The following IGF1R variants were observed in gnomAD, a reference collection of about 807,000 sequenced individuals.
The protein encoded by IGF1R is insulin-like growth factor 1 receptor.
In IGF1R, 44 loss-of-function variants were observed where a neutral mutation model predicts 144.6. The ratio of observed to expected loss-of-function variants is 0.30; its 90% CI spans 0.24 to 0.39. IGF1R has a LOEUF of 0.39. Among genes scored for constraint, IGF1R ranks in the 10% least tolerant of loss-of-function variants. The pLI is 1.00. For synonymous variants in IGF1R, 795 were observed against 722.8 expected, an observed-to-expected ratio of 1.10 and a Z score of -1.60; for missense variants, 1,355 against 1,833.7, an observed-to-expected ratio of 0.74 and a Z score of 4.77.
rs1567229228 is a variant in IGF1R at position 98,962,441 on chromosome 15, C to A, written c.*4999C>A. Reference sequence around the variant, plus strand: ...AGTGGCGAAAGACACTTTCTTTCTTCACTCTGAAGTAGCTGGTGGTACAAA... The same window carrying A: ...AGTGGCGAAAGACACTTTCTTTCTTAACTCTGAAGTAGCTGGTGGTACAAA... On this transcript the variant is annotated 3_prime_UTR_variant, in exon 21 of 21. Transcript: ENST00000650285. The A allele has an allele frequency of 4.3e-6, 1 of 233,680 alleles. No homozygotes were observed. The highest frequency in any genetic ancestry group is 2.2e-5 in the African/African-American group (1 of 45,370). 14.5% of individuals were successfully genotyped at this position (233,680 alleles called of 1,614,324 possible). A position where few individuals can be genotyped will look rare whatever the true frequency, so the allele number is the denominator to read the frequency against.
chr15:98,703,048 A>G (rs1279737218), intron 1 of IGF1R, among the ~76,000 whole-genome samples: 3 of 151,628 alleles, frequency 2.0e-5, no homozygotes, highest in Non-Finnish European at 2.9e-5. Flanking sequence ...CAGCACCCCC[A>G]TCTGTTTTGG....
At chr15:98,755,478 T>A (rs1294243948) in intron 2 of IGF1R, among the ~76,000 whole-genome samples, 1 of 152,072 alleles carries the variant, frequency 6.6e-6, no homozygotes, top group African/African-American at 2.4e-5. Flanking sequence ...TGGTGGCTCA[T>A]GCCTGTAATC....
At chr15:98,846,250 C>G (rs368124319) in intron 2 of IGF1R, among the ~76,000 whole-genome samples, 10 of 152,252 alleles carry the variant, frequency 6.6e-5, no homozygotes, top group African/African-American at 2.4e-4. Flanking sequence ...GCATTTGTAC[C>G]GTGGTGTTGA....
chr15:98,910,936 G>A (rs1472269161), intron 6 of IGF1R, among the ~76,000 whole-genome samples: 1 of 152,174 alleles, frequency 6.6e-6, no homozygotes, highest in African/African-American at 2.4e-5. Context: ...AAGTTTCAGG[G>A]CAGCCTAAAG....
intron 2 of IGF1R, among the ~76,000 whole-genome samples, chr15:98,781,319 T>C (rs1278555539): frequency 6.6e-6 from 1 of 152,148 alleles, no homozygotes; most frequent in African/African-American, 2.4e-5. Flanking sequence ...AGGTTTAAAA[T>C]TGGGGGCAAA....
Position 98,908,931 on chromosome 15 carries a change from CA to C in IGF1R, c.1462+34del, listed in dbSNP as rs758772196. On this transcript the variant is annotated intron_variant, in intron 6 of 20. Coordinates refer to ENST00000650285, the MANE Select transcript of IGF1R (RefSeq NM_000875.5). The stretch of plus-strand genomic sequence containing the variant: ...GACAGCATCCAAAACACCGTGGGCC[CA>C]ACCATCATGATAACAGCAGACCCTC... 3 of 1,583,692 alleles carry C rather than the reference CA, an allele frequency of 1.9e-6. No individual in the cohort carries two copies. In the Admixed American group the frequency reaches 5.2e-5, roughly 27 times the overall value.
intron 5 of IGF1R, 67 bp from the exon 6 acceptor site, chr15:98,908,618 T>C (rs2014845776): frequency 3.3e-6 from 4 of 1,206,608 alleles, no homozygotes; most frequent in Non-Finnish European, 3.6e-6. Flanking sequence ...CTGTGTTACG[T>C]GGCCAGCAGG....
At chr15:98,894,943 C>T (rs972444086) in intron 3 of IGF1R, among the ~76,000 whole-genome samples, 2 of 151,160 alleles carry the variant, frequency 1.3e-5, no homozygotes, top group Admixed American at 6.6e-5. Flanking sequence ...ATCACTTGAA[C>T]CCAGGAGGTG....
chr15:98,870,009 A>G (rs1186436755), intron 2 of IGF1R, among the ~76,000 whole-genome samples: 1 of 152,228 alleles, frequency 6.6e-6, no homozygotes, highest in African/African-American at 2.4e-5. Context: ...AACACAGTGA[A>G]AAAACAGGAT....
intron 2 of IGF1R, among the ~76,000 whole-genome samples, chr15:98,815,280 G>T (rs950088927): frequency 4.6e-5 from 7 of 152,178 alleles, no homozygotes; most frequent in Non-Finnish European, 2.9e-5. Context: ...AAAACCTGGG[G>T]AACAATGGCT....
intron 1 of IGF1R, among the ~76,000 whole-genome samples, chr15:98,661,389 TAA>T (rs1377560258): frequency 6.6e-6 from 1 of 152,228 alleles, no homozygotes; most frequent in Non-Finnish European, 1.5e-5. Flanking sequence ...CTCCTGAACT[TAA>T]TGAACACCTT....
At chr15:98,654,521 G>A (rs377694801) in intron 1 of IGF1R, among the ~76,000 whole-genome samples, 5 of 152,280 alleles carry the variant, frequency 3.3e-5, no homozygotes, top group African/African-American at 1.2e-4. Flanking sequence ...TTTTAAAAGC[G>A]TGAGGGAGTA....
At chr15:98,955,871 C>T (rs2016958840) in intron 20 of IGF1R, among the ~76,000 whole-genome samples, 1 of 152,202 alleles carries the variant, frequency 6.6e-6, no homozygotes, top group African/African-American at 2.4e-5. Context: ...TTCTGTGTGG[C>T]CACTTTTATG....
In IGF1R at chr15:98,957,899, C is replaced by T. The variant is rs983111461; in HGVS notation, c.*457C>T. The T allele has an allele frequency of 3.3e-5, 8 of 241,420 alleles. No individual in the cohort carries two copies. Among genetic ancestry groups the T allele is most frequent in the South Asian group, 1.7e-4 (1 of 5,830 alleles). 15.0% of individuals were successfully genotyped at this position (241,420 alleles called of 1,614,324 possible). ...ACCACTGTACACACCCGCCTGACAC[C>T]GTGGGTCATTACAAAAAAACACGTG... is the stretch of plus-strand genomic sequence containing the variant. On this transcript the variant is annotated 3_prime_UTR_variant, in exon 21 of 21. Transcript: ENST00000650285.
At chr15:98,809,988 C>G (rs1277737474) in intron 2 of IGF1R, among the ~76,000 whole-genome samples, 1 of 152,204 alleles carries the variant, frequency 6.6e-6, no homozygotes, top group Non-Finnish European at 1.5e-5. Flanking sequence ...CCCAGACAGA[C>G]TCCCGCTTTA....
intron 14 of IGF1R, 23 bp from the exon 15 acceptor site, chr15:98,930,212 C>A: frequency 6.3e-7 from 1 of 1,582,960 alleles, no homozygotes; most frequent in African/African-American, 1.3e-5. Context: ...GTTTTGTTAA[C>A]GTGAATTTAA....
chr15:98,909,383 C>G (rs780864983), intron 6 of IGF1R, among the ~76,000 whole-genome samples: 1 of 151,176 alleles, frequency 6.6e-6, no homozygotes, highest in Non-Finnish European at 1.5e-5. Context: ...CTCAGCCTCC[C>G]GAGCAGCTGA....
intron 11 of IGF1R, among the ~76,000 whole-genome samples, chr15:98,923,030 G>T (rs568427207): frequency 4.6e-5 from 7 of 152,194 alleles, no homozygotes; most frequent in Non-Finnish European, 1.0e-4. Flanking sequence ...CCAGAGTCTG[G>T]GGTGTGGGGT....
At chr15:98,782,598 G>C (rs1387979026) in intron 2 of IGF1R, among the ~76,000 whole-genome samples, 1 of 151,916 alleles carries the variant, frequency 6.6e-6, no homozygotes, top group Admixed American at 6.6e-5. Context: ...TGCTCTTTAT[G>C]CATTTTTAAC....
Sources: allele counts gnomAD v4.1 joint callset (sites outside exome capture counted in the v4.1 genomes callset), GRCh38; gene constraint gnomAD v4.1.1; transcripts MANE v1.5; gene names NCBI Gene and HGNC (gene_info 2026-07-23, HGNC 2026-07-21).